EXT1: variants seen among roughly 807,000 people sequenced by gnomAD.
EXT1 encodes the protein exostosin glycosyltransferase 1, also known as exostosin-1.
A neutral mutation model predicts 82.5 loss-of-function variants in EXT1; 20 were observed. The ratio of observed to expected loss-of-function variants is 0.24; its 90% confidence interval spans 0.17 to 0.35. The LOEUF (loss-of-function observed/expected upper bound fraction) is 0.35. EXT1 is among the 10% of genes least tolerant of loss of function. The pLI is 1.00. For missense variants in EXT1, 757 were observed against 936.5 expected (o/e 0.81, Z 2.50); for synonymous variants, 348 against 350.8 (o/e 0.99, Z 0.09).
chr8:117,970,294 A>G (rs533141191), intron 1 of EXT1, among the ~76,000 whole-genome samples: 1 of 151,612 alleles, frequency 6.6e-6, no homozygotes, highest in East Asian at 2.0e-4. Context: ...GGCAGGGCTC[A>G]GGAATCTACA....
intron 1 of EXT1, among the ~76,000 whole-genome samples, chr8:117,935,662 C>T (rs1239098781): frequency 6.6e-6 from 1 of 152,100 alleles, no homozygotes; most frequent in African/African-American, 2.4e-5. Context: ...AGCCACTGTG[C>T]CCAGCTTCCT....
At chr8:117,938,355 A>C (rs951452277) in intron 1 of EXT1, among the ~76,000 whole-genome samples, 1 of 152,148 alleles carries the variant, frequency 6.6e-6, no homozygotes, top group Non-Finnish European at 1.5e-5. Context: ...CCAGCTACTC[A>C]GGAGGCTGAG....
At chr8:118,018,559 T>G (rs1816044878) in intron 1 of EXT1, among the ~76,000 whole-genome samples, 1 of 152,198 alleles carries the variant, frequency 6.6e-6, no homozygotes, top group Non-Finnish European at 1.5e-5. Flanking sequence ...GTTTATAGAC[T>G]TTGTTACAGC....
chr8:118,066,028 A>C (rs1816979971), intron 1 of EXT1, among the ~76,000 whole-genome samples: 1 of 152,214 alleles, frequency 6.6e-6, no homozygotes, highest in Admixed American at 6.5e-5. Flanking sequence ...TACTATCTTA[A>C]AAGTTCTCAT....
intron 1 of EXT1, among the ~76,000 whole-genome samples, chr8:117,962,580 C>A (rs999078313): frequency 6.6e-6 from 1 of 152,160 alleles, no homozygotes; most frequent in African/African-American, 2.4e-5. Context: ...GGTGAAACGC[C>A]CATCTCTACT....
intron 1 of EXT1, among the ~76,000 whole-genome samples, chr8:117,937,728 C>G (rs1251012629): frequency 6.6e-6 from 1 of 152,200 alleles, no homozygotes; most frequent in Non-Finnish European, 1.5e-5. Context: ...AAAAATAACT[C>G]TTATGCACTA....
chr8:118,080,932 G>A (rs1817309467), intron 1 of EXT1, among the ~76,000 whole-genome samples: 1 of 152,120 alleles, frequency 6.6e-6, no homozygotes, highest in South Asian at 2.1e-4. Context: ...CTCTTCAGCA[G>A]GCAGATAAGA....
At chr8:117,967,254 A>G (rs931366598) in intron 1 of EXT1, among the ~76,000 whole-genome samples, 34 of 152,202 alleles carry the variant, frequency 2.2e-4, no homozygotes, top group African/African-American at 7.7e-4. Context: ...AAATCAGTCA[A>G]CTTACCCAGA....
At chr8:117,954,803 CCAA>C (rs953314222) in intron 1 of EXT1, among the ~76,000 whole-genome samples, 10 of 152,202 alleles carry the variant, frequency 6.6e-5, no homozygotes, top group African/African-American at 1.7e-4. Context: ...TCCCCTCACA[CCAA>C]CAACAAGTTC....
intron 1 of EXT1, among the ~76,000 whole-genome samples, chr8:118,010,700 G>T (rs2061091021): frequency 6.6e-6 from 1 of 152,172 alleles, no homozygotes; most frequent in Non-Finnish European, 1.5e-5. Flanking sequence ...TGGGCTGAAG[G>T]CATCAATTCT....
rs1281978668 is a variant in EXT1, at chr8:118,110,426, C to T, written c.621G>A (p.Val207=). ...GCATCGCCTGGCCGATGTCAAACCC[C>T]ACGTCCTCGGTGTAGTCAGGCCAAG... ...SGTWPDYTED[V]GFDIGQAMLA... Residue 207 remains valine (V), a synonymous_variant, in exon 1 of 11, where the codon GTG becomes GTA. Coordinates refer to ENST00000378204, the MANE Select transcript of EXT1 (RefSeq NM_000127.3). 1 of 1,614,114 alleles carries T rather than the reference C, an allele frequency of 6.2e-7. No individual in the cohort carries two copies. The highest frequency in any genetic ancestry group is 1.7e-5 in the Admixed American group (1 of 60,000).
chr8:118,064,451 A>G (rs7819934), intron 1 of EXT1, among the ~76,000 whole-genome samples: 1,831 of 152,034 alleles, frequency 0.012, 36 homozygotes, highest in African/African-American at 0.04. Flanking sequence ...TTCCTGTGTT[A>G]GTTTGATGAG....
chr8:117,798,836 T>TA lies in EXT1; in HGVS notation c.*875dup, dbSNP rs1194166493. ...CTAAACCAAAGCCTCTTCCCAGTGC[T>TA]ACGCAGACTTAGGTCAATGGTTGAA... On this transcript the variant is annotated 3_prime_UTR_variant, in exon 11 of 11. Transcript: ENST00000378204. 1 of 152,256 alleles carries TA rather than the reference T, an allele frequency of 6.6e-6. No homozygotes were observed. Among genetic ancestry groups the TA allele is most frequent in the African/African-American group, 2.4e-5 (1 of 41,464 alleles). The allele number at this position is 152,256 out of a possible 1,614,324, so 9.4% of individuals were successfully genotyped here. A position where few individuals can be genotyped will look rare whatever the true frequency, so the allele number is the denominator to read the frequency against.
chr8:117,799,461 C>T lies in EXT1; in HGVS notation c.*251G>A. The T allele has an allele frequency of 2.1e-6, 1 of 470,880 alleles. No homozygotes were observed. Among genetic ancestry groups the T allele is most frequent in the Non-Finnish European group, 3.8e-6 (1 of 263,684 alleles). 29.2% of individuals were successfully genotyped at this position (470,880 alleles called of 1,614,324 possible). On this transcript the variant is annotated 3_prime_UTR_variant, in exon 11 of 11. Coordinates refer to ENST00000378204, the MANE Select transcript of EXT1 (RefSeq NM_000127.3). ...TTTCAAAAATAATTATTTAATGTTC[C>T]ATAATTAAACTGTACACAACCTAGT...
chr8:117,910,478 C>T (rs1024625296), intron 1 of EXT1, among the ~76,000 whole-genome samples: 5 of 152,098 alleles, frequency 3.3e-5, no homozygotes, highest in African/African-American at 4.8e-5. Flanking sequence ...TTGAGACTGC[C>T]GAAAACACAT....
intron 1 of EXT1, among the ~76,000 whole-genome samples, chr8:117,987,225 T>A (rs1427757890): frequency 6.6e-6 from 1 of 152,248 alleles, no homozygotes; most frequent in East Asian, 1.9e-4. Context: ...TCTTCAAACC[T>A]GCTCGGGCTG....
intron 1 of EXT1, among the ~76,000 whole-genome samples, chr8:118,069,230 A>G (rs1817045135): frequency 6.6e-6 from 1 of 152,228 alleles, no homozygotes; most frequent in Non-Finnish European, 1.5e-5. Flanking sequence ...GCAGAGGTTA[A>G]CTTCCCATGT....
chr8:117,997,068 G>A (rs1815552444), intron 1 of EXT1, among the ~76,000 whole-genome samples: 2 of 151,968 alleles, frequency 1.3e-5, no homozygotes, highest in Admixed American at 6.6e-5. Flanking sequence ...AGTAGCAGTC[G>A]TTAAACAGGG....
At chr8:117,827,747 T>A (rs916547011) in intron 4 of EXT1, among the ~76,000 whole-genome samples, 1 of 120,504 alleles carries the variant, frequency 8.3e-6, no homozygotes, top group Non-Finnish European at 1.6e-5. Flanking sequence ...ATGGTGCCAC[T>A]GTACTCCAGC....
Sources: gnomAD v4.1 joint callset for allele counts (sites outside exome capture counted in the v4.1 genomes callset) on GRCh38, gnomAD v4.1.1 for gene constraint, MANE v1.5 for transcripts, NCBI Gene and HGNC (gene_info 2026-07-23, HGNC 2026-07-21) for gene names.